The following KCNQ5 variants were observed in gnomAD, a reference collection of about 807,000 sequenced individuals.
The protein encoded by KCNQ5 is potassium voltage-gated channel subfamily KQT member 5.
In KCNQ5, 30 loss-of-function variants were observed where a neutral mutation model predicts 98.2. The observed-to-expected ratio is 0.31, with a 90% CI of 0.23 to 0.41. The LOEUF (loss-of-function observed/expected upper bound fraction) is 0.41, where lower values mean the gene tolerates loss of function less well. Among genes scored for constraint, KCNQ5 ranks in the 10% least tolerant of loss-of-function variants. The pLI is 1.00. For synonymous variants in KCNQ5, 458 were observed against 449.4 expected, an observed-to-expected ratio of 1.02 and a Z score of -0.24; for missense variants, 835 against 1,182.5, an observed-to-expected ratio of 0.71 and a Z score of 4.31.
chr6:73,081,119 AAG>A (rs1773747473), intron 5 of KCNQ5, among the ~76,000 whole-genome samples: 1 of 152,216 alleles, frequency 6.6e-6, no homozygotes, highest in Admixed American at 6.5e-5. Context: ...GGAACAAAAA[AAG>A]AGCTATGTGT....
chr6:72,861,962 G>A (rs571171540), intron 1 of KCNQ5, among the ~76,000 whole-genome samples: 196 of 151,934 alleles, frequency 1.3e-3, no homozygotes, highest in African/African-American at 4.7e-3. Context: ...CCTTTTTCCT[G>A]CCCTCTGCCA....
intron 2 of KCNQ5, among the ~76,000 whole-genome samples, chr6:73,040,077 A>G (rs1363795812): frequency 6.6e-6 from 1 of 152,176 alleles, no homozygotes; most frequent in Non-Finnish European, 1.5e-5. Context: ...TTGAATAAAG[A>G]ACTTGTAAAT....
chr6:72,745,744 C>T (rs9446743), intron 1 of KCNQ5, among the ~76,000 whole-genome samples: 38,997 of 151,946 alleles, frequency 0.26, 7,275 homozygotes, highest in African/African-American at 0.53. Context: ...CAGAAATGTA[C>T]TCTCTCACAG....
At chr6:72,820,333 G>A (rs1207527876) in intron 1 of KCNQ5, among the ~76,000 whole-genome samples, 1 of 152,066 alleles carries the variant, frequency 6.6e-6, no homozygotes, top group African/African-American at 2.4e-5. Context: ...CTATGAACTG[G>A]GATTCAAGCT....
At chr6:72,721,202 C>G (rs1008275662) in intron 1 of KCNQ5, among the ~76,000 whole-genome samples, 1 of 152,114 alleles carries the variant, frequency 6.6e-6, no homozygotes, top group Admixed American at 6.5e-5. Context: ...GTGTTTAGAA[C>G]AGTACTCAGC....
chr6:72,793,698 A>T (rs1378285523), intron 1 of KCNQ5, among the ~76,000 whole-genome samples: 1 of 152,278 alleles, frequency 6.6e-6, no homozygotes, highest in Non-Finnish European at 1.5e-5. Context: ...CACTCCTCCA[A>T]GAAAAAGGGG....
At chr6:72,785,948 G>A (rs1207617599) in intron 1 of KCNQ5, among the ~76,000 whole-genome samples, 3 of 152,052 alleles carry the variant, frequency 2.0e-5, no homozygotes, top group African/African-American at 7.3e-5. Flanking sequence ...GCTGTCTAGA[G>A]TAGCACTACC....
chr6:73,004,111 G>A, intron 2 of KCNQ5, 113 bp downstream of exon 2: 1 of 600,268 alleles, frequency 1.7e-6, no homozygotes. Flanking sequence ...GAGTTACTGA[G>A]AAATATAAAA....
rs147808505 is a variant in KCNQ5 at position 73,138,934 on chromosome 6, A to T, written c.1468+5293A>T. Among the ~76,000 whole-genome samples, 693 of 152,336 alleles carry T rather than the reference A, an allele frequency of 4.5e-3. 6 individuals carry two copies. Among genetic ancestry groups the T allele is most frequent in the African/African-American group, 0.016 (655 of 41,568 alleles). ...AGGATGCATTTAGCAGCAGGTCACA[A>T]AAGAAGCAGATTCAACTACCTTAAA... On this transcript the variant is annotated intron_variant, in intron 10 of 13. Transcript: ENST00000370398.
chr6:73,168,805 T>C (rs1777900665), intron 10 of KCNQ5, among the ~76,000 whole-genome samples: 2 of 152,166 alleles, frequency 1.3e-5, no homozygotes, highest in Non-Finnish European at 2.9e-5. Context: ...TACATGTTCA[T>C]TGGAGAAATG....
At chr6:72,788,172 A>C (rs1773858153) in intron 1 of KCNQ5, among the ~76,000 whole-genome samples, 1 of 152,226 alleles carries the variant, frequency 6.6e-6, no homozygotes, top group African/African-American at 2.4e-5. Flanking sequence ...GGAATTTTGT[A>C]GACTATGTAT....
intron 3 of KCNQ5, among the ~76,000 whole-genome samples, chr6:73,054,227 C>T (rs1041697862): frequency 6.6e-6 from 1 of 152,028 alleles, no homozygotes; most frequent in African/African-American, 2.4e-5. Flanking sequence ...AGAAAAAGCC[C>T]GGGACCAGAG....
chr6:73,009,839 C>T (rs552478027), intron 2 of KCNQ5, among the ~76,000 whole-genome samples: 24 of 152,010 alleles, frequency 1.6e-4, no homozygotes, highest in East Asian at 5.8e-4. Context: ...AAATAGAAAC[C>T]GAATAGTGCT....
chr6:72,915,958 C>G (rs760402767), intron 1 of KCNQ5, among the ~76,000 whole-genome samples: 2 of 152,150 alleles, frequency 1.3e-5, no homozygotes, highest in Non-Finnish European at 2.9e-5. Context: ...ACTAGAATTT[C>G]TAGTGCAAGC....
intron 1 of KCNQ5, among the ~76,000 whole-genome samples, chr6:72,795,416 G>A (rs963152757): frequency 1.3e-5 from 2 of 152,112 alleles, no homozygotes; most frequent in Admixed American, 1.3e-4. Context: ...AATTTGTATT[G>A]CATATATTAT....
chr6:72,968,118 A>G (rs1273366288), intron 1 of KCNQ5, among the ~76,000 whole-genome samples: 2 of 152,188 alleles, frequency 1.3e-5, no homozygotes, highest in African/African-American at 2.4e-5. Flanking sequence ...AGAAACTTAC[A>G]TACACACACA....
chr6:72,933,700 G>A (rs775435726), intron 1 of KCNQ5, among the ~76,000 whole-genome samples: 1 of 152,150 alleles, frequency 6.6e-6, no homozygotes, highest in East Asian at 1.9e-4. Context: ...TAAATCAATT[G>A]CATTTCTTTG....
chr6:72,769,735 T>A (rs139560576), intron 1 of KCNQ5, among the ~76,000 whole-genome samples: 1 of 152,252 alleles, frequency 6.6e-6, no homozygotes, highest in Admixed American at 6.5e-5. Context: ...AAACTTCTTA[T>A]TTCATAGCTT....
intron 1 of KCNQ5, among the ~76,000 whole-genome samples, chr6:72,704,428 T>G (rs997925798): frequency 1.3e-5 from 2 of 152,080 alleles, no homozygotes; most frequent in Non-Finnish European, 2.9e-5. Flanking sequence ...TTCTTGGAAA[T>G]TACCTGGTGA....
Sources: allele counts gnomAD v4.1 joint callset (sites outside exome capture counted in the v4.1 genomes callset), GRCh38; gene constraint gnomAD v4.1.1; transcripts MANE v1.5; gene names NCBI Gene and HGNC (gene_info 2026-07-23, HGNC 2026-07-21).